CFAP221: variants seen among roughly 807,000 people sequenced by gnomAD.
CFAP221 encodes the protein cilia- and flagella-associated protein 221.
CFAP221 carries 97 observed loss-of-function variants against 113.1 expected under a neutral mutation model. The observed-to-expected ratio is 0.86, with a 90% confidence interval of 0.73 to 1.02. The LOEUF is 1.02. CFAP221 is among the 50% of genes least tolerant of loss of function. The pLI is 0.00. For missense variants in CFAP221, 1,025 were observed against 1,013.4 expected, an observed-to-expected ratio of 1.01 and a Z score of -0.16; for synonymous variants, 331 against 354.4, an observed-to-expected ratio of 0.93 and a Z score of 0.74.
In CFAP221 at chr2:119,604,955, C is replaced by G. The variant is rs1684632637; in HGVS notation, c.992C>G (p.Pro331Arg). The change falls in exon 10 of 24, where the codon CCA becomes CGA. Residue 331 changes from proline to arginine, a missense_variant. Physicochemically the swap from Pro to Arg is moderately radical, Grantham distance 103 (BLOSUM62 -2). Coordinates refer to ENST00000413369, the MANE Select transcript of CFAP221 (RefSeq NM_001271049.2). ...FAVATVLNQE[P>R]GKLKIKELRE... The stretch of plus-strand genomic sequence containing the variant: ...GTGGCAACTGTTTTAAACCAAGAAC[C>G]AGGAAAATTGAAGATTAAAGAATTA... 6.2e-7 allele frequency: 1 copy of G among 1,613,850 alleles called. No individual in the cohort carries two copies. The highest frequency in any genetic ancestry group is 8.5e-7 in the Non-Finnish European group (1 of 1,179,992).
intron 21 of CFAP221, among the ~76,000 whole-genome samples, chr2:119,643,658 C>T (rs960781894): frequency 2.0e-5 from 3 of 152,176 alleles, no homozygotes; most frequent in African/African-American, 7.2e-5. Context: ...GATTCTCTGC[C>T]TCAGCCTCCT....
At chr2:119,656,024 C>T (rs1688412484) in intron 23 of CFAP221, 2 of 284,952 alleles carry the variant, frequency 7.0e-6, no homozygotes, top group South Asian at 4.2e-5. Flanking sequence ...GAAGACCTCA[C>T]ACCAGGATCT....
intron 6 of CFAP221, 23 bp from the exon 7 acceptor site, chr2:119,587,096 T>A (rs1442779434): frequency 6.9e-7 from 1 of 1,449,962 alleles, no homozygotes; most frequent in Non-Finnish European, 9.2e-7. Flanking sequence ...ATATTTTTAT[T>A]TTCTTTTTTG....
intron 7 of CFAP221, among the ~76,000 whole-genome samples, chr2:119,590,816 C>T (rs1683546581): frequency 6.6e-6 from 1 of 152,178 alleles, no homozygotes; most frequent in Admixed American, 6.5e-5. Context: ...TACTTCTCCT[C>T]CCTGCCTCAC....
In CFAP221 at chr2:119,586,491, G is replaced by C. The variant is rs147486018; in HGVS notation, c.528-628G>C. 3.9e-5 allele frequency among the ~76,000 whole-genome samples: 6 copies of C among 152,330 alleles called. No individual in the cohort carries two copies. In the East Asian group the frequency reaches 1.2e-3, roughly 29 times the overall value. On this transcript the variant is annotated intron_variant, in intron 6 of 23. Coordinates refer to ENST00000413369, the MANE Select transcript of CFAP221 (RefSeq NM_001271049.2). ...TTAGAGGTCCGCCTTGTCTTGGGGT[G>C]ACAGACCATTTCTGAATACATAGAC...
chr2:119,560,643 T>G (rs1681179769), intron 5 of CFAP221, among the ~76,000 whole-genome samples: 1 of 152,064 alleles, frequency 6.6e-6, no homozygotes, highest in South Asian at 2.1e-4. Context: ...GAGAAGCCAT[T>G]AGGTTAGCTA....
At chr2:119,643,163 T>C (rs890290089) in intron 21 of CFAP221, among the ~76,000 whole-genome samples, 8 of 152,188 alleles carry the variant, frequency 5.3e-5, no homozygotes, top group East Asian at 1.9e-4. Flanking sequence ...ATAAATCCAT[T>C]AATGATATTC....
At chr2:119,572,670 G>A in intron 6 of CFAP221, 1 of 659,710 alleles carries the variant, frequency 1.5e-6, no homozygotes, top group South Asian at 1.6e-5. Context: ...TGGTTAGCGT[G>A]CTCTAGACAA....
At chr2:119,556,555 TC>T (rs1573988838) in intron 3 of CFAP221, among the ~76,000 whole-genome samples, 1 of 151,400 alleles carries the variant, frequency 6.6e-6, no homozygotes, top group East Asian at 1.9e-4. Flanking sequence ...AAATTTTTTT[TC>T]TTTTTTTTTT....
At chr2:119,629,414 GGGTGA>G (rs1349677388) in intron 16 of CFAP221, among the ~76,000 whole-genome samples, 39 of 152,334 alleles carry the variant, frequency 2.6e-4, no homozygotes, top group African/African-American at 8.7e-4. Context: ...GGCTGGCACA[GGGTGA>G]GAGGACACAG....
intron 21 of CFAP221, among the ~76,000 whole-genome samples, chr2:119,641,846 G>C (rs897151187): frequency 1.3e-5 from 2 of 152,158 alleles, no homozygotes; most frequent in African/African-American, 4.8e-5. Flanking sequence ...CAGTAAACCG[G>C]GTCTGGGGTG....
At chr2:119,572,450 T>C in intron 6 of CFAP221, 2 of 603,088 alleles carry the variant, frequency 3.3e-6, no homozygotes, top group Non-Finnish European at 3.0e-6. Flanking sequence ...TAAGTAAATA[T>C]GGATATGCTT....
At chr2:119,579,292 G>A (rs565344469) in intron 6 of CFAP221, among the ~76,000 whole-genome samples, 14 of 151,678 alleles carry the variant, frequency 9.2e-5, no homozygotes, top group African/African-American at 2.2e-4. Flanking sequence ...TAACAGGCAC[G>A]AGATATATAT....
At chr2:119,568,004 T>G (rs549549429) in intron 6 of CFAP221, among the ~76,000 whole-genome samples, 15 of 152,342 alleles carry the variant, frequency 9.8e-5, no homozygotes, top group South Asian at 2.1e-4. Flanking sequence ...TTACAACTAA[T>G]CCAAGCCACT....
In CFAP221 at chr2:119,652,049, C is replaced by G. The variant is rs376681443; in HGVS notation, c.2394C>G (p.Tyr798Ter). ...AAGTGGAATTCCCTATGTTGAACTA[C>G]AAGGACATCAGGAAGGAGAAGTAAG... ...MIKVEFPMLN[Y>*]KDIRKEKEVK... The change falls in exon 23 of 24, where the codon TAC (tyrosine) becomes TAG (stop). Residue 798 changes from tyrosine (Y) to a stop codon, truncating the protein, a stop_gained. Coordinates refer to ENST00000413369, the MANE Select transcript of CFAP221 (RefSeq NM_001271049.2). LOFTEE classifies it high-confidence loss of function. 6.2e-7 allele frequency: 1 copy of G among 1,611,586 alleles called. No homozygotes were observed. The highest frequency in any genetic ancestry group is 1.3e-5 in the African/African-American group (1 of 74,854).
At chr2:119,641,411 A>G (rs1687480898) in intron 21 of CFAP221, among the ~76,000 whole-genome samples, 1 of 152,194 alleles carries the variant, frequency 6.6e-6, no homozygotes, top group Non-Finnish European at 1.5e-5. Context: ...CATTTTTAGC[A>G]TATTTCTAGA....
chr2:119,564,671 T>C (rs752019380), intron 6 of CFAP221, among the ~76,000 whole-genome samples: 2 of 152,242 alleles, frequency 1.3e-5, no homozygotes, highest in Non-Finnish European at 2.9e-5. Context: ...TTCAACATTA[T>C]GTTTTTGCGG....
chr2:119,574,506 G>C (rs1162869945), intron 6 of CFAP221, among the ~76,000 whole-genome samples: 1 of 152,154 alleles, frequency 6.6e-6, no homozygotes, highest in Non-Finnish European at 1.5e-5. Context: ...TTCCTGGAAG[G>C]AGCAAAGGTG....
Position 119,656,600 on chromosome 2 carries a change from A to G in CFAP221, c.*130A>G, listed in dbSNP as rs1020460630. 5.3e-5 allele frequency: 32 copies of G among 609,244 alleles called. No homozygotes were observed. Among genetic ancestry groups the G allele is most frequent in the Admixed American group, 1.2e-4 (4 of 34,034 alleles). 37.7% of individuals were successfully genotyped at this position (609,244 alleles called of 1,614,324 possible). On this transcript the variant is annotated 3_prime_UTR_variant, in exon 24 of 24. Coordinates refer to ENST00000413369, the MANE Select transcript of CFAP221 (RefSeq NM_001271049.2). ...AAAAAATGAAATGTAGAGGATGTAT[A>G]TATCTTTTAAGTGATAATTATAAAT...
Sources: gnomAD v4.1 joint callset for allele counts (sites outside exome capture counted in the v4.1 genomes callset) on GRCh38, gnomAD v4.1.1 for gene constraint, MANE v1.5 for transcripts, NCBI Gene and HGNC (gene_info 2026-07-23, HGNC 2026-07-21) for gene names.